C1orf159: variants seen among roughly 807,000 people sequenced by gnomAD.
C1orf159 encodes uncharacterized protein C1orf159.
In C1orf159, 19 loss-of-function variants were observed where a neutral mutation model predicts 25.6. That is an observed-to-expected ratio of 0.74 (90% CI 0.52 to 1.09). The LOEUF (loss-of-function observed/expected upper bound fraction) is 1.09, where lower values mean the gene tolerates loss of function less well. C1orf159 is among the 50% of genes least tolerant of loss of function. C1orf159 has a pLI of 0.00. For missense variants in C1orf159, 274 were observed against 290.6 expected, an observed-to-expected ratio of 0.94 and a Z score of 0.42; for synonymous variants, 139 against 124.7, an observed-to-expected ratio of 1.12 and a Z score of -0.77.
intron 1 of C1orf159, among the ~76,000 whole-genome samples, chr1:1,113,913 C>CTTTT (rs763307791): frequency 1.2e-4 from 14 of 121,008 alleles, no homozygotes; most frequent in East Asian, 2.5e-4. Flanking sequence ...CCCTCGAGGC[C>CTTTT]TTTTTTTTTT....
chr1:1,084,509 G>T lies in C1orf159; in HGVS notation c.446-3C>A. 6.4e-7 allele frequency: 1 copy of T among 1,553,482 alleles called. No individual in the cohort carries two copies. The highest frequency in any genetic ancestry group is 8.7e-7 in the Non-Finnish European group (1 of 1,148,824). ...TTCGCCAGGCTGCAGGGCCGGAGCT[G>T]TGGGGGAGAAAGCGGAGAGTCACCC... On this transcript the variant is annotated splice_region_variant and splice_polypyrimidine_tract_variant and intron_variant, in intron 7 of 9. Coordinates refer to ENST00000421241, the MANE Select transcript of C1orf159 (RefSeq NM_017891.5).
intron 1 of C1orf159, among the ~76,000 whole-genome samples, chr1:1,093,814 G>T (rs557498931): frequency 1.3e-5 from 2 of 152,310 alleles, no homozygotes; most frequent in East Asian, 3.9e-4. Flanking sequence ...GGAGCAGAGT[G>T]GCTGGCTCAC....
intron 1 of C1orf159, among the ~76,000 whole-genome samples, chr1:1,109,609 T>C (rs1226639373): frequency 6.6e-6 from 1 of 152,062 alleles, no homozygotes; most frequent in Non-Finnish European, 1.5e-5. Flanking sequence ...TAGGACTACA[T>C]GCCTGCCACC....
chr1:1,112,776 A>AC (rs972069881), intron 1 of C1orf159, among the ~76,000 whole-genome samples: 1 of 152,158 alleles, frequency 6.6e-6, no homozygotes, highest in African/African-American at 2.4e-5. Flanking sequence ...AGGCTATAAA[A>AC]CCCCAAGTCA....
At chr1:1,084,548 C>G (rs1179512788) in intron 7 of C1orf159, 42 bp from the exon 8 acceptor site, 1 of 1,548,422 alleles carries the variant, frequency 6.5e-7, no homozygotes, top group African/African-American at 1.4e-5. Context: ...AGCCCAGGAG[C>G]TGCCTCAACC....
At chr1:1,088,092 C>T (rs539231144) in intron 4 of C1orf159, among the ~76,000 whole-genome samples, 1 of 151,584 alleles carries the variant, frequency 6.6e-6, no homozygotes, top group South Asian at 2.1e-4. Flanking sequence ...CACCACCCAG[C>T]CTTCACCCCA....
chr1:1,089,150 G>A lies in C1orf159; in HGVS notation c.148+1203C>T, dbSNP rs573873237. The stretch of plus-strand genomic sequence containing the variant: ...GGGGGAAGCGTATCCAACACCGCAG[G>A]CCCGGCCCCTCCCCACGCGCGCCAG... On this transcript the variant is annotated intron_variant, in intron 4 of 9. Transcript: ENST00000421241. This position sits in a 1 kb window ranked among gnomAD's most constrained non-coding sequence, Gnocchi z 7.5. 6.6e-6 allele frequency among the ~76,000 whole-genome samples: 1 copy of A among 152,248 alleles called. No individual in the cohort carries two copies. Among genetic ancestry groups the A allele is most frequent in the Non-Finnish European group, 1.5e-5 (1 of 67,996 alleles).
chr1:1,083,980 C>T lies in C1orf159; in HGVS notation c.502+373G>A, dbSNP rs768174934. On this transcript the variant is annotated intron_variant, in intron 9 of 9. Coordinates refer to ENST00000421241, the MANE Select transcript of C1orf159 (RefSeq NM_017891.5). ...GCGATGGCTGCTCAGGAGGGCCTGG[C>T]GGAGGCCGGCTGCGTCTGTCCTCGG... 3.3e-5 allele frequency: 53 copies of T among 1,604,010 alleles called. No individual in the cohort carries two copies. In the Middle Eastern group the frequency reaches 9.9e-4, roughly 30 times the overall value.
intron 1 of C1orf159, among the ~76,000 whole-genome samples, chr1:1,099,118 CGAT>C (rs1156511977): frequency 6.6e-6 from 1 of 151,122 alleles, no homozygotes; most frequent in East Asian, 1.9e-4. Flanking sequence ...AAATCTCTGA[CGAT>C]GATTGTGGAT....
At chr1:1,084,296 C>T in intron 9 of C1orf159, 57 bp downstream of exon 9, 5 of 1,525,930 alleles carry the variant, frequency 3.3e-6, no homozygotes, top group Non-Finnish European at 3.5e-6. Flanking sequence ...CACAGAGCAC[C>T]CTGGGACTGG....
At chr1:1,099,396 GGA>G (rs1646060774) in intron 1 of C1orf159, among the ~76,000 whole-genome samples, 2 of 94,248 alleles carry the variant, frequency 2.1e-5, no homozygotes, top group African/African-American at 1.4e-4. Context: ...TCTAAGAATT[GGA>G]GAGAGAGAGG....
intron 1 of C1orf159, chr1:1,115,156 C>A (rs1570347553): frequency 6.9e-6 from 1 of 145,832 alleles, no homozygotes; most frequent in Non-Finnish European, 1.5e-5. Flanking sequence ...AAGAATTCAG[C>A]CACAAAATAG....
chr1:1,108,407 CCAT>C (rs1275872488), intron 1 of C1orf159, among the ~76,000 whole-genome samples: 5 of 127,584 alleles, frequency 3.9e-5, no homozygotes, highest in African/African-American at 1.8e-4. Flanking sequence ...ACCACAGCCA[CCAT>C]GTCTCAGCAG....
At chr1:1,090,568 G>A (rs771206946) in intron 3 of C1orf159, 140 bp from the exon 4 acceptor site, 132 of 904,472 alleles carry the variant, frequency 1.5e-4, no homozygotes, top group East Asian at 9.5e-4. Context: ...GCATCGGGTG[G>A]CCCTCTGTCC....
chr1:1,093,517 C>T (rs964581710), intron 1 of C1orf159, among the ~76,000 whole-genome samples: 5 of 152,352 alleles, frequency 3.3e-5, no homozygotes, highest in African/African-American at 1.2e-4. Flanking sequence ...CCCCACAAGC[C>T]CGGGCTCCCG....
At chr1:1,115,977 C>G (rs561058725) in intron 1 of C1orf159, 83 bp downstream of exon 1, 1 of 152,050 alleles carries the variant, frequency 6.6e-6, no homozygotes, top group South Asian at 2.1e-4. Context: ...GCCTCTCGCA[C>G]TCCCTGCGCC....
chr1:1,112,061 C>T (rs1022932434), intron 1 of C1orf159, among the ~76,000 whole-genome samples: 36 of 152,198 alleles, frequency 2.4e-4, no homozygotes, highest in African/African-American at 8.0e-4. Flanking sequence ...GCTCAGCAGA[C>T]GTGAGCAGGG....
At position 1,091,421 on chromosome 1, in the gene C1orf159, T is replaced by A. The variant is rs4562563; in HGVS notation, c.72+51A>T. The A allele has an allele frequency of 0.62, 917,709 of 1,478,328 alleles. 286,758 individuals are homozygous for A. The highest frequency in any genetic ancestry group is 0.9 in the East Asian group (36,334 of 40,440). The allele number at this position is 1,478,328 out of a possible 1,614,324, so 91.6% of individuals were successfully genotyped here. Reference sequence around the variant, plus strand: ...CCTCTAGGGGAAGGGCCCACCGCCCTCCACAGAGGCTCTGGCTTAGGCCGC... The same window carrying A: ...CCTCTAGGGGAAGGGCCCACCGCCCACCACAGAGGCTCTGGCTTAGGCCGC... On this transcript the variant is annotated intron_variant, in intron 3 of 9. Coordinates refer to ENST00000421241, the MANE Select transcript of C1orf159 (RefSeq NM_017891.5).
rs539802468 is a variant in C1orf159 at position 1,103,113 on chromosome 1, G to A, written c.-135-11010C>T. On this transcript the variant is annotated intron_variant, in intron 1 of 9. Transcript: ENST00000421241. ...CTACCTCAGCCTCCCAAAGTGCTGGGATTACAGGCGTGAGCCACCACGCCC... is the reference window on the plus strand; with the variant it reads ...CTACCTCAGCCTCCCAAAGTGCTGGAATTACAGGCGTGAGCCACCACGCCC... Among the ~76,000 whole-genome samples, 210 of 152,286 alleles carry A rather than the reference G, an allele frequency of 1.4e-3. 1 individual carries two copies. Among genetic ancestry groups the A allele is most frequent in the African/African-American group, 4.8e-3 (200 of 41,564 alleles).
Sources: gnomAD v4.1 joint callset for allele counts (sites outside exome capture counted in the v4.1 genomes callset) on GRCh38, gnomAD v4.1.1 for gene constraint, Gnocchi (gnomAD v3.1) non-coding constraint, MANE v1.5 for transcripts, NCBI Gene and HGNC (gene_info 2026-07-23, HGNC 2026-07-21) for gene names.